ERICH1: variants seen among roughly 807,000 people sequenced by gnomAD.
ERICH1 encodes the protein glutamate-rich protein 1.
A neutral mutation model predicts 39.6 loss-of-function variants in ERICH1; 56 were observed. The observed-to-expected ratio is 1.41, with a 90% CI of 1.14 to 1.77. ERICH1 has a LOEUF of 1.77. Ranked by LOEUF, ERICH1 falls within the 40% of genes most tolerant of loss-of-function variation. The pLI is 0.00. For missense variants in ERICH1, 826 were observed against 575.4 expected (o/e 1.44, Z -4.45); for synonymous variants, 313 against 223.6 (o/e 1.40, Z -3.57).
intron 3 of ERICH1, among the ~76,000 whole-genome samples, chr8:629,628 CCAG>C (rs1563166841): frequency 3.0e-5 from 3 of 98,372 alleles, no homozygotes; most frequent in African/African-American, 4.2e-5. Flanking sequence ...TGTGACCACC[CCAG>C]AGACAGAGCT....
At chr8:666,320 C>G (rs1454711726) in intron 5 of ERICH1, 2 of 152,214 alleles carry the variant, frequency 1.3e-5, no homozygotes, top group Non-Finnish European at 2.9e-5. Flanking sequence ...TTACTTTCAT[C>G]TCTCATAAAA....
chr8:681,062 T>TA (rs1296969012), intron 3 of ERICH1, among the ~76,000 whole-genome samples: 1 of 152,178 alleles, frequency 6.6e-6, no homozygotes, highest in Non-Finnish European at 1.5e-5. Context: ...CCAAAGCCAC[T>TA]AAAAAACACC....
At chr8:721,655 A>G (rs1817346881) in intron 1 of ERICH1, among the ~76,000 whole-genome samples, 1 of 152,232 alleles carries the variant, frequency 6.6e-6, no homozygotes, top group African/African-American at 2.4e-5. Flanking sequence ...GACCCCACGG[A>G]CTGCTGGTGG....
intron 2 of ERICH1, among the ~76,000 whole-genome samples, chr8:696,638 TC>T (rs1242818157): frequency 5.3e-5 from 2 of 37,920 alleles, no homozygotes; most frequent in Admixed American, 5.6e-4. Context: ...CCTCTCACCC[TC>T]CACTCCTCTC....
At chr8:642,406 G>A (rs544851170) in intron 3 of ERICH1, among the ~76,000 whole-genome samples, 96 of 135,750 alleles carry the variant, frequency 7.1e-4, no homozygotes, top group South Asian at 3.8e-3. Context: ...GTGCAGTGGT[G>A]CGATCTCGGC....
intron 3 of ERICH1, among the ~76,000 whole-genome samples, chr8:643,400 C>A (rs1799242507): frequency 6.6e-6 from 1 of 152,178 alleles, no homozygotes; most frequent in Admixed American, 6.5e-5. Context: ...CTGGCACATT[C>A]CAGCCTCTCC....
chr8:670,207 A>G (rs1375807119), intron 4 of ERICH1, among the ~76,000 whole-genome samples: 1 of 152,158 alleles, frequency 6.6e-6, no homozygotes, highest in Non-Finnish European at 1.5e-5. Context: ...TCAGGCCTAA[A>G]ATTTCCATTT....
At chr8:658,387 G>A (rs1426038486) in intron 3 of ERICH1, among the ~76,000 whole-genome samples, 3 of 152,166 alleles carry the variant, frequency 2.0e-5, no homozygotes, top group East Asian at 1.9e-4. Context: ...CCCCGGAAGG[G>A]GGTGGAGACA....
intron 3 of ERICH1, among the ~76,000 whole-genome samples, chr8:654,073 C>A (rs1800312947): frequency 6.6e-6 from 1 of 152,046 alleles, no homozygotes; most frequent in African/African-American, 2.4e-5. Context: ...CTGATGGGGA[C>A]AGAGTTTAGG....
At chr8:729,321 C>T (rs2063305823) in intron 1 of ERICH1, among the ~76,000 whole-genome samples, 2 of 152,224 alleles carry the variant, frequency 1.3e-5, no homozygotes, top group South Asian at 2.1e-4. Flanking sequence ...TGCAACCACC[C>T]CATGACCCTG....
chr8:622,316 G>T (rs745716161), intron 3 of ERICH1, among the ~76,000 whole-genome samples: 1 of 152,172 alleles, frequency 6.6e-6, no homozygotes, highest in Admixed American at 6.6e-5. Flanking sequence ...AGCAAAAGGT[G>T]ATGTTATTAG....
At chr8:692,711 C>T (rs1809198420) in intron 2 of ERICH1, 99 bp from the exon 3 acceptor site, 1 of 1,333,906 alleles carries the variant, frequency 7.5e-7, no homozygotes, top group East Asian at 2.7e-5. Context: ...TAAATTCATT[C>T]AAGACATGAA....
At chr8:619,071 C>T (rs1797115060) in intron 3 of ERICH1, among the ~76,000 whole-genome samples, 1 of 152,144 alleles carries the variant, frequency 6.6e-6, no homozygotes, top group Non-Finnish European at 1.5e-5. Context: ...CCTCAGCCCT[C>T]CCTCCAAGCC....
chr8:699,811 ATC>A (rs1811351669), intron 2 of ERICH1, among the ~76,000 whole-genome samples: 1 of 65,212 alleles, frequency 1.5e-5, no homozygotes, highest in Non-Finnish European at 3.8e-5. Context: ...ACGCGCACAG[ATC>A]CGCACAAGCG....
chr8:712,535 T>A (rs565980909), intron 2 of ERICH1, among the ~76,000 whole-genome samples: 2 of 152,302 alleles, frequency 1.3e-5, no homozygotes, highest in African/African-American at 4.8e-5. Flanking sequence ...GTTCAAGTGA[T>A]TCTCCTGCCT....
chr8:718,180 C>A (rs1816466986), intron 1 of ERICH1, among the ~76,000 whole-genome samples: 3 of 151,698 alleles, frequency 2.0e-5, no homozygotes, highest in African/African-American at 7.3e-5. Context: ...ACGCACAACA[C>A]ACCAGGGTAC....
intron 3 of ERICH1, among the ~76,000 whole-genome samples, chr8:643,259 G>C (rs533493494): frequency 6.6e-6 from 1 of 152,220 alleles, no homozygotes; most frequent in East Asian, 1.9e-4. Context: ...TAATGGGGTC[G>C]CAGCAGGGAC....
chr8:691,509 C>T (rs1037734316), intron 3 of ERICH1, among the ~76,000 whole-genome samples: 18 of 152,352 alleles, frequency 1.2e-4, no homozygotes, highest in Admixed American at 9.1e-4. Context: ...TGAGTGAGGG[C>T]CAACGCACTT....
intron 4 of ERICH1, among the ~76,000 whole-genome samples, chr8:670,042 C>T (rs972002952): frequency 2.6e-5 from 4 of 152,144 alleles, no homozygotes; most frequent in African/African-American, 9.7e-5. Flanking sequence ...CCATGTCTGC[C>T]GGGCTCTTTC....
Sources: gnomAD v4.1 joint callset for allele counts (sites outside exome capture counted in the v4.1 genomes callset) on GRCh38, gnomAD v4.1.1 for gene constraint, MANE v1.5 for transcripts, NCBI Gene and HGNC (gene_info 2026-07-23, HGNC 2026-07-21) for gene names.